Variants in AP3B1 observed in about 807,000 individuals in gnomAD.
AP3B1 encodes AP-3 complex subunit beta-1.
Under a neutral mutation model 132.5 loss-of-function variants are expected in AP3B1, and 61 were observed. That is an observed-to-expected ratio of 0.46 (90% CI 0.37 to 0.57). The LOEUF (loss-of-function observed/expected upper bound fraction) is 0.57. Among genes scored for constraint, AP3B1 ranks in the 20% least tolerant of loss-of-function variants. The pLI is 0.00. For synonymous variants in AP3B1, 388 were observed against 438.3 expected, an observed-to-expected ratio of 0.89 and a Z score of 1.43; for missense variants, 1,120 against 1,289.4, an observed-to-expected ratio of 0.87 and a Z score of 2.01.
Position 78,039,788 on chromosome 5 carries a change from A to G in AP3B1, c.2578-514T>C, listed in dbSNP as rs540860497. Among the ~76,000 whole-genome samples the G allele has an allele frequency of 2.0e-4, 29 of 147,212 alleles. No individual in the cohort carries two copies. The East Asian group carries it at 4.9e-3, about 25-fold the overall frequency. ...GCGAGACTCCGTCTCAAAAAAAAAA[A>G]AAAAGAAAAGAAAAGAAAAAAAAAA... On this transcript the variant is annotated intron_variant, in intron 22 of 26. Coordinates refer to ENST00000255194, the MANE Select transcript of AP3B1 (RefSeq NM_003664.5).
intron 15 of AP3B1, among the ~76,000 whole-genome samples, chr5:78,130,792 A>G (rs779874266): frequency 4.4e-4 from 67 of 152,064 alleles, no homozygotes; most frequent in Admixed American, 4.3e-3. Context: ...CAACTTGGTT[A>G]ACTCTAAAGT....
At chr5:78,270,314 T>C (rs978440805) in intron 1 of AP3B1, among the ~76,000 whole-genome samples, 2 of 152,172 alleles carry the variant, frequency 1.3e-5, no homozygotes, top group Non-Finnish European at 2.9e-5. Context: ...ACTTTTACCA[T>C]TTGAGAGCCC....
At chr5:78,100,400 T>G (rs1751079852) in intron 21 of AP3B1, among the ~76,000 whole-genome samples, 1 of 152,224 alleles carries the variant, frequency 6.6e-6, no homozygotes, top group Non-Finnish European at 1.5e-5. Context: ...TATATCTTTG[T>G]ACACTTGGGT....
At chr5:78,245,272 T>C (rs934347657) in intron 2 of AP3B1, among the ~76,000 whole-genome samples, 4 of 152,178 alleles carry the variant, frequency 2.6e-5, no homozygotes, top group African/African-American at 9.6e-5. Context: ...TCTACAGCGA[T>C]AGTGGTTTAA....
At chr5:78,014,900 A>G (rs540100865) in intron 26 of AP3B1, among the ~76,000 whole-genome samples, 13 of 152,208 alleles carry the variant, frequency 8.5e-5, no homozygotes, top group South Asian at 2.1e-4. Flanking sequence ...GATAGAAAAT[A>G]TTACTGGTCT....
chr5:78,271,264 A>T (rs1426070820), intron 1 of AP3B1, among the ~76,000 whole-genome samples: 1 of 152,116 alleles, frequency 6.6e-6, no homozygotes, highest in Admixed American at 6.5e-5. Context: ...TCTACTAAAA[A>T]TACAAAATTA....
intron 1 of AP3B1, among the ~76,000 whole-genome samples, chr5:78,288,244 T>C (rs1462711303): frequency 6.6e-6 from 1 of 152,240 alleles, no homozygotes; most frequent in Non-Finnish European, 1.5e-5. Flanking sequence ...ACACTAATTG[T>C]ATACTTGAAT....
chr5:78,028,574 C>T (rs1352034050), intron 24 of AP3B1, among the ~76,000 whole-genome samples: 1 of 152,104 alleles, frequency 6.6e-6, no homozygotes, highest in Non-Finnish European at 1.5e-5. Context: ...GGTGAGCAGA[C>T]ATCCTTGTTT....
At chr5:78,146,753 T>C (rs1753417430) in intron 14 of AP3B1, among the ~76,000 whole-genome samples, 1 of 152,174 alleles carries the variant, frequency 6.6e-6, no homozygotes, top group African/African-American at 2.4e-5. Flanking sequence ...TGTTTTGAAA[T>C]AAAGCATTTT....
intron 22 of AP3B1, among the ~76,000 whole-genome samples, chr5:78,060,698 C>T (rs1294814278): frequency 6.6e-6 from 1 of 151,806 alleles, no homozygotes; most frequent in Non-Finnish European, 1.5e-5. Context: ...TTTTTATTTG[C>T]CACAGCTCAT....
downstream of AP3B1, chr5:78,000,524 A>G (rs1746174667): frequency 6.6e-6 from 1 of 152,248 alleles, no homozygotes; most frequent in South Asian, 2.1e-4. Flanking sequence ...GCAAATAGTT[A>G]TCGAGAAGGA....
intron 2 of AP3B1, among the ~76,000 whole-genome samples, chr5:78,261,734 G>A (rs1335975619): frequency 6.7e-6 from 1 of 149,846 alleles, no homozygotes; most frequent in Non-Finnish European, 1.5e-5. Context: ...CCAAAGTGCT[G>A]GGATTACAGG....
chr5:78,003,742 G>A (rs1746279268), intron 26 of AP3B1, among the ~76,000 whole-genome samples: 2 of 152,112 alleles, frequency 1.3e-5, no homozygotes, highest in Admixed American at 6.5e-5. Context: ...GGAAACTGGA[G>A]GTCTAAAGCT....
chr5:78,028,267 C>G (rs1215771242), intron 24 of AP3B1, among the ~76,000 whole-genome samples: 1 of 151,884 alleles, frequency 6.6e-6, no homozygotes, highest in Non-Finnish European at 1.5e-5. Context: ...TGAGACTAGC[C>G]TGGCCAATAT....
chr5:78,235,202 C>T (rs912523215), intron 3 of AP3B1, among the ~76,000 whole-genome samples: 23 of 152,232 alleles, frequency 1.5e-4, no homozygotes, highest in African/African-American at 5.5e-4. Context: ...TTTCTCTTTA[C>T]TAATTATATT....
intron 20 of AP3B1, among the ~76,000 whole-genome samples, chr5:78,103,802 C>CA (rs1410100871): frequency 6.6e-6 from 1 of 151,548 alleles, no homozygotes; most frequent in Non-Finnish European, 1.5e-5. Context: ...GTCACAGGGT[C>CA]AAAAAAACTG....
At position 78,213,354 on chromosome 5, in the gene AP3B1, TG is replaced by T. The variant is rs1226001068; in HGVS notation, c.786+2700del. ...CAGAGGAAGCCTGAGATGGGTTAACTGGAAGAGTGAGAGCACAGACATGGTC... is the reference window on the plus strand; with the variant it reads ...CAGAGGAAGCCTGAGATGGGTTAACTGAAGAGTGAGAGCACAGACATGGTC... On this transcript the variant is annotated intron_variant, in intron 7 of 26. Coordinates refer to ENST00000255194, the MANE Select transcript of AP3B1 (RefSeq NM_003664.5). 3.9e-5 allele frequency among the ~76,000 whole-genome samples: 6 copies of T among 152,332 alleles called. No homozygotes were observed. In the East Asian group the frequency reaches 9.6e-4, roughly 24 times the overall value.
chr5:78,216,773 T>C (rs1745981015), intron 6 of AP3B1, among the ~76,000 whole-genome samples: 1 of 152,146 alleles, frequency 6.6e-6, no homozygotes, highest in East Asian at 1.9e-4. Context: ...TTTTACCCAA[T>C]ATAATTTATT....
intron 20 of AP3B1, among the ~76,000 whole-genome samples, chr5:78,105,615 A>G (rs1000559557): frequency 6.6e-6 from 1 of 152,212 alleles, no homozygotes; most frequent in Non-Finnish European, 1.5e-5. Flanking sequence ...GGAATTACTA[A>G]AAGTAATTTT....
Sources: gnomAD v4.1 joint callset for allele counts (sites outside exome capture counted in the v4.1 genomes callset) on GRCh38, gnomAD v4.1.1 for gene constraint, MANE v1.5 for transcripts, NCBI Gene and HGNC (gene_info 2026-07-23, HGNC 2026-07-21) for gene names.